Variants in DKK3 observed in about 807,000 individuals in gnomAD.
The protein encoded by DKK3 is dickkopf Wnt signaling pathway inhibitor 3.
DKK3 carries 22 observed loss-of-function variants against 33.2 expected under a neutral mutation model. That is an observed-to-expected ratio of 0.66 (90% CI 0.47 to 0.95). The LOEUF is 0.95. Ranked by LOEUF, DKK3 falls within the 40% of genes least tolerant of loss-of-function variation. The pLI is 0.00. For synonymous variants in DKK3, 194 were observed against 188.8 expected, an observed-to-expected ratio of 1.03 and a Z score of -0.23; for missense variants, 398 against 458.4, an observed-to-expected ratio of 0.87 and a Z score of 1.20.
intron 1 of DKK3, among the ~76,000 whole-genome samples, chr11:12,004,896 C>A (rs919299557): frequency 6.6e-6 from 1 of 152,128 alleles, no homozygotes; most frequent in African/African-American, 2.4e-5. Context: ...ACGTTGATAT[C>A]ATGTGTTTGA....
chr11:12,004,717 T>A (rs775627620), intron 1 of DKK3, among the ~76,000 whole-genome samples: 3 of 152,212 alleles, frequency 2.0e-5, no homozygotes, highest in Non-Finnish European at 2.9e-5. Context: ...TTAAGGACCA[T>A]GCAGTAGATA....
At chr11:11,990,938 C>A (rs1265517284) in intron 3 of DKK3, among the ~76,000 whole-genome samples, 1 of 152,184 alleles carries the variant, frequency 6.6e-6, no homozygotes, top group Non-Finnish European at 1.5e-5. Context: ...CATGTTCCTG[C>A]CACGGTTTCA....
At chr11:11,984,135 G>C (rs1283973043) in intron 3 of DKK3, among the ~76,000 whole-genome samples, 1 of 151,978 alleles carries the variant, frequency 6.6e-6, no homozygotes, top group Non-Finnish European at 1.5e-5. Flanking sequence ...TTTGTACTAG[G>C]GACCCCTTTA....
At chr11:11,993,358 TTATA>T (rs1848225228) in intron 3 of DKK3, among the ~76,000 whole-genome samples, 1 of 151,838 alleles carries the variant, frequency 6.6e-6, no homozygotes, top group African/African-American at 2.4e-5. Flanking sequence ...ACTTTAAATA[TTATA>T]TATACTGTTC....
At chr11:11,964,721 G>T (rs372860129) in intron 6 of DKK3, 35 bp from the exon 7 acceptor site, 9 of 1,594,276 alleles carry the variant, frequency 5.6e-6, no homozygotes, top group Non-Finnish European at 6.8e-6. Context: ...GGCTCTAAAC[G>T]TGGGAGCCTG....
intron 3 of DKK3, among the ~76,000 whole-genome samples, chr11:11,996,673 T>C (rs7107048): frequency 0.93 from 141,297 of 152,278 alleles, 65,690 homozygotes; most frequent in African/African-American, 0.98. Flanking sequence ...GCTCATATCC[T>C]GAGGGTCTGA....
rs12294829 is a variant in DKK3 at position 11,972,906 on chromosome 11, A to G, written c.436-4419T>C. Among the ~76,000 whole-genome samples the G allele has an allele frequency of 5.3e-3, 807 of 151,700 alleles. 6 individuals are homozygous for G. The highest frequency in any genetic ancestry group is 8.0e-3 in the Non-Finnish European group (544 of 67,924). On this transcript the variant is annotated intron_variant, in intron 3 of 6. Transcript: ENST00000683431. ...CTTTTTAAAGGGGCCTCAGCACCCA[A>G]CTGGGCTCTGGATGGCTGAGAAGCT... is the stretch of plus-strand genomic sequence containing the variant.
rs145163569 is a variant in DKK3, at chr11:11,966,858, C to A, written c.673+96G>T. On this transcript the variant is annotated intron_variant, in intron 5 of 6. Coordinates refer to ENST00000683431, the MANE Select transcript of DKK3 (RefSeq NM_001018057.2). The stretch of plus-strand genomic sequence containing the variant: ...GGGAGCCTATCCAAGAGGTGGGACG[C>A]GAAACCATGTGGTTGGCATGGACGT... The A allele has an allele frequency of 1.4e-3, 2,133 of 1,538,446 alleles. 32 individuals carry two copies. In the African/African-American group the frequency reaches 0.026, roughly 19 times the overall value.
At chr11:11,988,496 G>C (rs1848117598) in intron 3 of DKK3, among the ~76,000 whole-genome samples, 1 of 152,176 alleles carries the variant, frequency 6.6e-6, no homozygotes, top group Admixed American at 6.5e-5. Flanking sequence ...GCCTCTGTTG[G>C]CACTGTCCCC....
At position 11,980,852 on chromosome 11, in the gene DKK3, C is replaced by T. The variant is rs1161987730; in HGVS notation, c.436-12365G>A. 2.0e-5 allele frequency among the ~76,000 whole-genome samples: 3 copies of T among 152,312 alleles called. No individual in the cohort carries two copies. The East Asian group carries it at 5.8e-4, about 29-fold the overall frequency. On this transcript the variant is annotated intron_variant, in intron 3 of 6. Transcript: ENST00000683431. ...GTAAGTGCCCACAGTTGGCTTTTCT[C>T]TCTGAGGGGTGGTCCTGTCCAGGCG... is the stretch of plus-strand genomic sequence containing the variant.
chr11:11,966,631 AGC>A (rs1189953504), intron 5 of DKK3, among the ~76,000 whole-genome samples: 2 of 152,036 alleles, frequency 1.3e-5, no homozygotes, highest in Non-Finnish European at 1.5e-5. Flanking sequence ...TGGGAGTGGA[AGC>A]GGGTGATTCA....
upstream of DKK3, chr11:12,009,082 G>C (rs973392507): frequency 4.6e-4 from 454 of 985,106 alleles, 1 homozygote; most frequent in Middle Eastern, 1.1e-3. Flanking sequence ...CCTTGGCGTC[G>C]GGTCCTACTC....
Position 11,964,882 on chromosome 11 carries a change from T to A in DKK3, c.831-196A>T, listed in dbSNP as rs552427562. 7.2e-5 allele frequency among the ~76,000 whole-genome samples: 11 copies of A among 152,292 alleles called. No individual in the cohort carries two copies. The South Asian group carries it at 2.3e-3, about 32-fold the overall frequency. ...CTGAGGGAGGCTCACTTTGGGAGAA[T>A]GTGCTGGTGGGGGGCAGCTTCCCCT... is the stretch of plus-strand genomic sequence containing the variant. On this transcript the variant is annotated intron_variant, in intron 6 of 6. Coordinates refer to ENST00000683431, the MANE Select transcript of DKK3 (RefSeq NM_001018057.2).
chr11:11,982,056 C>T (rs756475384), intron 3 of DKK3, among the ~76,000 whole-genome samples: 13 of 152,238 alleles, frequency 8.5e-5, no homozygotes, highest in African/African-American at 2.4e-5. Flanking sequence ...CAGCATTGCC[C>T]CCGGTGATGC....
At chr11:11,998,997 T>TA (rs566513688) in intron 2 of DKK3, among the ~76,000 whole-genome samples, 380 of 152,138 alleles carry the variant, frequency 2.5e-3, no homozygotes, top group Non-Finnish European at 4.4e-3. Context: ...GTCAGCCTCA[T>TA]AGGGTTGCTA....
Position 11,964,361 on chromosome 11 carries a change from A to G in DKK3, c.*103T>C. The G allele has an allele frequency of 1.4e-6, 2 of 1,419,402 alleles. No individual in the cohort carries two copies. Among genetic ancestry groups the G allele is most frequent in the Non-Finnish European group, 1.9e-6 (2 of 1,052,870 alleles). 87.9% of individuals were successfully genotyped at this position (1,419,402 alleles called of 1,614,324 possible). A position where few individuals can be genotyped will look rare whatever the true frequency, so the allele number is the denominator to read the frequency against. On this transcript the variant is annotated 3_prime_UTR_variant, in exon 7 of 7. Coordinates refer to ENST00000683431, the MANE Select transcript of DKK3 (RefSeq NM_001018057.2). ...AAGCCAGAGGGGAAACTTACTGGGAAGAAGATGTAGGAAGAAGCCTGGTCA... is the reference window on the plus strand; with the variant it reads ...AAGCCAGAGGGGAAACTTACTGGGAGGAAGATGTAGGAAGAAGCCTGGTCA...
At chr11:11,969,200 A>G (rs1319135100) in intron 3 of DKK3, among the ~76,000 whole-genome samples, 1 of 152,176 alleles carries the variant, frequency 6.6e-6, no homozygotes, top group East Asian at 1.9e-4. Context: ...GGCCGAGGGC[A>G]CTGTGACCTG....
chr11:11,968,649 T>C, intron 3 of DKK3, 162 bp from the exon 4 acceptor site: 1 of 568,370 alleles, frequency 1.8e-6, no homozygotes, highest in Non-Finnish European at 3.0e-6. Flanking sequence ...GATCCCTGCC[T>C]GGCTGCACTG....
chr11:11,990,415 C>G (rs1416609395), intron 3 of DKK3, among the ~76,000 whole-genome samples: 1 of 152,366 alleles, frequency 6.6e-6, no homozygotes, highest in Non-Finnish European at 1.5e-5. Flanking sequence ...TTGCAGGGTA[C>G]AGGCTTTGCA....
Sources: allele counts gnomAD v4.1 joint callset (sites outside exome capture counted in the v4.1 genomes callset), GRCh38; gene constraint gnomAD v4.1.1; transcripts MANE v1.5; gene names NCBI Gene and HGNC (gene_info 2026-07-23, HGNC 2026-07-21).